PCSK5: variants seen among roughly 807,000 people sequenced by gnomAD.
PCSK5 encodes the protein prohormone convertase 5.
In PCSK5, 129 loss-of-function variants were observed where a neutral mutation model predicts 233.2. That is an observed-to-expected ratio of 0.55 (90% CI 0.48 to 0.64). The LOEUF (loss-of-function observed/expected upper bound fraction) is 0.64, where lower values mean the gene tolerates loss of function less well. PCSK5 is among the 30% of genes least tolerant of loss of function. The pLI is 0.00. For missense variants in PCSK5, 2,076 were observed against 2,430.1 expected, an observed-to-expected ratio of 0.85 and a Z score of 3.06; for synonymous variants, 825 against 879.2, an observed-to-expected ratio of 0.94 and a Z score of 1.09.
chr9:75,942,881 TCTTC>T (rs1251198512), intron 2 of PCSK5, among the ~76,000 whole-genome samples: 11 of 115,328 alleles, frequency 9.5e-5, no homozygotes, highest in Non-Finnish European at 1.8e-4. Flanking sequence ...CTTTTCTTCT[TCTTC>T]TTTTTTTTTT....
chr9:76,062,249 T>TAA (rs11459491), intron 5 of PCSK5, among the ~76,000 whole-genome samples: 1 of 148,176 alleles, frequency 6.7e-6, no homozygotes, highest in African/African-American at 2.5e-5. Context: ...GCCCGTCTCC[T>TAA]AAAAAAAAAA....
At chr9:75,913,860 A>T (rs1822864236) in intron 1 of PCSK5, among the ~76,000 whole-genome samples, 3 of 152,230 alleles carry the variant, frequency 2.0e-5, no homozygotes, top group East Asian at 1.9e-4. Context: ...CTGTATTATT[A>T]AAAAAAGGAA....
chr9:76,130,521 A>T (rs778896936), intron 9 of PCSK5, among the ~76,000 whole-genome samples: 1 of 152,190 alleles, frequency 6.6e-6, no homozygotes, highest in Non-Finnish European at 1.5e-5. Flanking sequence ...GTGAAACAGG[A>T]ATAAGAATGT....
intron 27 of PCSK5, among the ~76,000 whole-genome samples, chr9:76,299,316 T>C (rs1436587384): frequency 6.6e-6 from 1 of 152,118 alleles, no homozygotes; most frequent in African/African-American, 2.4e-5. Flanking sequence ...CCAGACCCTC[T>C]CTCCTGGTCA....
chr9:76,324,690 A>G (rs11794610), intron 32 of PCSK5, among the ~76,000 whole-genome samples: 14,790 of 152,146 alleles, frequency 0.097, 805 homozygotes, highest in Non-Finnish European at 0.13. Context: ...GGCATGAATC[A>G]TTTGCCTCTT....
intron 2 of PCSK5, among the ~76,000 whole-genome samples, chr9:75,939,999 A>G (rs1424221245): frequency 1.3e-5 from 2 of 152,154 alleles, no homozygotes; most frequent in Admixed American, 1.3e-4. Flanking sequence ...TTCATATAAC[A>G]TTACTTATTG....
chr9:76,298,283 C>T (rs1828503718), intron 27 of PCSK5, among the ~76,000 whole-genome samples: 1 of 152,062 alleles, frequency 6.6e-6, no homozygotes, highest in African/African-American at 2.4e-5. Context: ...AAGCACCACA[C>T]CCACCCCTCC....
At chr9:76,240,566 TCTCCAC>T in intron 23 of PCSK5, 44 bp from the exon 24 acceptor site, 1 of 1,214,468 alleles carries the variant, frequency 8.2e-7, no homozygotes, top group Non-Finnish European at 1.2e-6. Flanking sequence ...AATTAACGTG[TCTCCAC>T]TCAATGGAAA....
intron 20 of PCSK5, among the ~76,000 whole-genome samples, chr9:76,199,207 A>G (rs1350873169): frequency 6.6e-6 from 1 of 152,032 alleles, no homozygotes; most frequent in Non-Finnish European, 1.5e-5. Flanking sequence ...CCTACCACCC[A>G]CCTAAGCTGT....
At chr9:76,096,963 G>A (rs1464228960) in intron 8 of PCSK5, among the ~76,000 whole-genome samples, 4 of 146,486 alleles carry the variant, frequency 2.7e-5, no homozygotes, top group South Asian at 2.2e-4. Context: ...ACAGAGTCTC[G>A]CTCTTTCGCC....
chr9:76,236,473 G>T lies in PCSK5; in HGVS notation c.2867-2486G>T, dbSNP rs188178758. 2.1e-3 allele frequency among the ~76,000 whole-genome samples: 320 copies of T among 152,296 alleles called. 3 individuals carry two copies. The highest frequency in any genetic ancestry group is 3.1e-3 in the Non-Finnish European group (214 of 68,032). ...GGAAAGTTTTTGGTGCCTAACAAAA[G>T]TATCAGCCCTTCTACCGCTGGAAAT... On this transcript the variant is annotated intron_variant, in intron 22 of 37. Coordinates refer to ENST00000674117, the MANE Select transcript of PCSK5 (RefSeq NM_001372043.1).
At chr9:76,263,722 T>C (rs986809777) in intron 24 of PCSK5, among the ~76,000 whole-genome samples, 6 of 151,968 alleles carry the variant, frequency 3.9e-5, no homozygotes, top group African/African-American at 1.4e-4. Context: ...GGCACATGTA[T>C]ACATATGTAA....
At chr9:76,046,077 T>A (rs1435911888) in intron 5 of PCSK5, among the ~76,000 whole-genome samples, 1 of 152,066 alleles carries the variant, frequency 6.6e-6, no homozygotes, top group Non-Finnish European at 1.5e-5. Context: ...TTCTTTTGTC[T>A]TGTTTTATGA....
intron 4 of PCSK5, among the ~76,000 whole-genome samples, chr9:76,024,159 G>A (rs760447905): frequency 2.0e-5 from 3 of 152,112 alleles, no homozygotes; most frequent in Admixed American, 6.6e-5. Context: ...AGCAACATTC[G>A]CTGTTCTCAA....
In PCSK5 at chr9:76,360,459, G is replaced by A. The variant is rs1395750066; in HGVS notation, c.*1537G>A. 1 of 152,126 alleles carries A rather than the reference G, an allele frequency of 6.6e-6. No individual in the cohort carries two copies. Among genetic ancestry groups the A allele is most frequent in the Non-Finnish European group, 1.5e-5 (1 of 68,018 alleles). 9.4% of individuals were successfully genotyped at this position (152,126 alleles called of 1,614,324 possible). A position where few individuals can be genotyped will look rare whatever the true frequency, so the allele number is the denominator to read the frequency against. On this transcript the variant is annotated 3_prime_UTR_variant, in exon 38 of 38. Coordinates refer to ENST00000674117, the MANE Select transcript of PCSK5 (RefSeq NM_001372043.1). ...ATAACTATGCTACTGAAATAAGGTG[G>A]GAAAATAAGCATCCTAAATATAATT...
intron 2 of PCSK5, among the ~76,000 whole-genome samples, chr9:75,973,192 A>T (rs928114200): frequency 1.3e-5 from 2 of 152,202 alleles, no homozygotes; most frequent in Admixed American, 6.5e-5. Context: ...GTTGTATTTT[A>T]AAAATTATTA....
At chr9:76,299,528 C>T (rs761660535) in intron 27 of PCSK5, among the ~76,000 whole-genome samples, 9 of 152,052 alleles carry the variant, frequency 5.9e-5, no homozygotes, top group African/African-American at 1.7e-4. Flanking sequence ...AAAAATTAGC[C>T]GGGCGTGGTG....
intron 20 of PCSK5, among the ~76,000 whole-genome samples, chr9:76,224,610 G>A (rs1422701116): frequency 6.6e-6 from 1 of 152,174 alleles, no homozygotes; most frequent in Non-Finnish European, 1.5e-5. Flanking sequence ...CTAGGATGAT[G>A]TAGACTTATA....
intron 2 of PCSK5, among the ~76,000 whole-genome samples, chr9:75,959,301 T>G (rs1256833809): frequency 6.6e-6 from 1 of 152,176 alleles, no homozygotes; most frequent in Non-Finnish European, 1.5e-5. Context: ...TGGCATTGTT[T>G]AGGCCACATT....
Sources: gnomAD v4.1 joint callset for allele counts (sites outside exome capture counted in the v4.1 genomes callset) on GRCh38, gnomAD v4.1.1 for gene constraint, MANE v1.5 for transcripts, NCBI Gene and HGNC (gene_info 2026-07-23, HGNC 2026-07-21) for gene names.